The following ARHGAP15 variants were observed in gnomAD, a reference collection of about 807,000 sequenced individuals.
The protein encoded by ARHGAP15 is rho GTPase-activating protein 15.
A neutral mutation model predicts 63.7 loss-of-function variants in ARHGAP15; 51 were observed. The observed-to-expected ratio is 0.80, with a 90% CI of 0.64 to 1.01. ARHGAP15 has a LOEUF of 1.01. Among genes scored for constraint, ARHGAP15 ranks in the 50% least tolerant of loss-of-function variants. The pLI is 0.00. For synonymous variants in ARHGAP15, 191 were observed against 193.8 expected (o/e 0.99, Z 0.12); for missense variants, 560 against 564.6 (o/e 0.99, Z 0.08).
chr2:143,462,910 C>T (rs190364766), intron 8 of ARHGAP15, among the ~76,000 whole-genome samples: 137 of 152,220 alleles, frequency 9.0e-4, no homozygotes, highest in African/African-American at 3.3e-3. Context: ...ACAAAGTAGG[C>T]TGGAACTCCC....
chr2:143,220,407 C>T (rs771495365), intron 4 of ARHGAP15, among the ~76,000 whole-genome samples: 7 of 152,078 alleles, frequency 4.6e-5, no homozygotes, highest in Non-Finnish European at 1.0e-4. Flanking sequence ...ACCTGGGTCT[C>T]GCCATGTTGC....
intron 5 of ARHGAP15, among the ~76,000 whole-genome samples, chr2:143,233,087 T>C (rs1693511911): frequency 6.6e-6 from 1 of 152,218 alleles, no homozygotes; most frequent in Non-Finnish European, 1.5e-5. Flanking sequence ...GTATATGTTA[T>C]TACCATCTGG....
intron 5 of ARHGAP15, among the ~76,000 whole-genome samples, chr2:143,231,552 G>A (rs1299021936): frequency 6.6e-6 from 1 of 152,056 alleles, no homozygotes; most frequent in Admixed American, 6.5e-5. Flanking sequence ...TTCTTCCTTT[G>A]GCTCTTACCC....
At chr2:143,232,935 A>G (rs140393383) in intron 5 of ARHGAP15, among the ~76,000 whole-genome samples, 93 of 152,066 alleles carry the variant, frequency 6.1e-4, no homozygotes, top group African/African-American at 2.2e-3. Flanking sequence ...GGGAGGATAC[A>G]CTTTGTTTCT....
chr2:143,543,830 CAA>C (rs1695209491), intron 10 of ARHGAP15, among the ~76,000 whole-genome samples: 1 of 151,978 alleles, frequency 6.6e-6, no homozygotes, highest in Admixed American at 6.6e-5. Context: ...TTTAAGTCAA[CAA>C]AGTGTTTTGA....
chr2:143,203,824 C>G (rs1692221138), intron 3 of ARHGAP15, among the ~76,000 whole-genome samples: 1 of 151,932 alleles, frequency 6.6e-6, no homozygotes, highest in South Asian at 2.1e-4. Context: ...AGCTTTAGAC[C>G]ATGTAACACT....
chr2:143,139,650 T>A (rs953417420), intron 1 of ARHGAP15, among the ~76,000 whole-genome samples: 4 of 152,124 alleles, frequency 2.6e-5, no homozygotes, highest in Non-Finnish European at 5.9e-5. Context: ...GAGCTTTTAG[T>A]AGACTTCGTA....
intron 13 of ARHGAP15, among the ~76,000 whole-genome samples, chr2:143,752,278 T>C (rs1686408508): frequency 6.6e-6 from 1 of 152,206 alleles, no homozygotes; most frequent in South Asian, 2.1e-4. Context: ...TAAAGGCCCC[T>C]ATAATCACAT....
At chr2:143,731,055 C>T (rs1210091775) in intron 13 of ARHGAP15, among the ~76,000 whole-genome samples, 1 of 150,700 alleles carries the variant, frequency 6.6e-6, no homozygotes, top group African/African-American at 2.4e-5. Context: ...GACTTTTATC[C>T]TCATTTTTAA....
intron 2 of ARHGAP15, among the ~76,000 whole-genome samples, chr2:143,196,566 A>G (rs111675013): frequency 2.5e-3 from 382 of 152,146 alleles, no homozygotes; most frequent in Middle Eastern, 0.02. Flanking sequence ...TAATAAACAG[A>G]TCAGAGAAAC....
At chr2:143,369,151 T>A (rs1686429886) in intron 6 of ARHGAP15, among the ~76,000 whole-genome samples, 1 of 152,138 alleles carries the variant, frequency 6.6e-6, no homozygotes, top group African/African-American at 2.4e-5. Context: ...TTAAATGCAA[T>A]TTCCACATTT....
At chr2:143,765,980 A>G (rs554069821) in intron 13 of ARHGAP15, among the ~76,000 whole-genome samples, 46 of 152,282 alleles carry the variant, frequency 3.0e-4, no homozygotes, top group Admixed American at 1.6e-3. Context: ...GGTCAGGTCA[A>G]ATATGCTTTG....
chr2:143,328,583 A>G (rs1000355127), intron 6 of ARHGAP15, among the ~76,000 whole-genome samples: 1 of 152,080 alleles, frequency 6.6e-6, no homozygotes, highest in Non-Finnish European at 1.5e-5. Flanking sequence ...AGAGCCTGTC[A>G]GGGGGTAGGG....
intron 6 of ARHGAP15, among the ~76,000 whole-genome samples, chr2:143,359,843 A>G (rs568869455): frequency 6.6e-6 from 1 of 152,204 alleles, no homozygotes; most frequent in African/African-American, 2.4e-5. Context: ...TAATGTTTTC[A>G]TGATTTCGGT....
intron 4 of ARHGAP15, among the ~76,000 whole-genome samples, chr2:143,227,658 A>T (rs144017333): frequency 6.6e-6 from 1 of 152,162 alleles, no homozygotes; most frequent in South Asian, 2.1e-4. Context: ...GGTCTGCATT[A>T]AAACCTTCGC....
chr2:143,366,509 CAAAT>C (rs1248361221), intron 6 of ARHGAP15, among the ~76,000 whole-genome samples: 1 of 151,902 alleles, frequency 6.6e-6, no homozygotes, highest in African/African-American at 2.4e-5. Flanking sequence ...ATGAGGAAAA[CAAAT>C]AATATTTTGC....
chr2:143,183,074 G>A (rs1197195737), intron 2 of ARHGAP15, among the ~76,000 whole-genome samples: 1 of 152,176 alleles, frequency 6.6e-6, no homozygotes, highest in Non-Finnish European at 1.5e-5. Flanking sequence ...TAGCACTTCG[G>A]CCTAACTGGC....
intron 6 of ARHGAP15, among the ~76,000 whole-genome samples, chr2:143,367,977 A>G (rs1574342540): frequency 6.6e-6 from 1 of 152,078 alleles, no homozygotes; most frequent in South Asian, 2.1e-4. Context: ...TGAAAGATCA[A>G]TGGACAAAGG....
At chr2:143,767,963 T>C (rs1453830283) in intron 13 of ARHGAP15, 26 bp from the exon 14 acceptor site, 9 of 1,599,458 alleles carry the variant, frequency 5.6e-6, no homozygotes, top group Non-Finnish European at 7.7e-6. Flanking sequence ...TCCAGTGAAA[T>C]TATTTTTTTT....
Sources: gnomAD v4.1 joint callset for allele counts (sites outside exome capture counted in the v4.1 genomes callset) on GRCh38, gnomAD v4.1.1 for gene constraint, MANE v1.5 for transcripts, NCBI Gene and HGNC (gene_info 2026-07-23, HGNC 2026-07-21) for gene names.